Variants in OR2T2 observed in about 807,000 individuals in gnomAD.
The protein encoded by OR2T2 is olfactory receptor family 2 subfamily T member 2, also known as olfactory receptor 2T2.
For missense variants in OR2T2, 138 were observed against 409.1 expected, an observed-to-expected ratio of 0.34 and a Z score of 5.72; for synonymous variants, 50 against 162.7, an observed-to-expected ratio of 0.31 and a Z score of 5.27.
At chr1:248,446,242 T>TTC (rs1662645345) in intron 1 of OR2T2, among the ~76,000 whole-genome samples, 1 of 144,732 alleles carries the variant, frequency 6.9e-6, no homozygotes, top group South Asian at 2.1e-4. Context: ...GATCTTTTTT[T>TTC]TTAATAAAAC....
At chr1:248,450,258 G>A (rs569923076) in intron 2 of OR2T2, among the ~76,000 whole-genome samples, 185 of 145,430 alleles carry the variant, frequency 1.3e-3, no homozygotes, top group African/African-American at 4.8e-3. Context: ...ACTCACAGAT[G>A]CACACACCAC....
intron 2 of OR2T2, among the ~76,000 whole-genome samples, chr1:248,447,469 C>T (rs1179361416): frequency 1.4e-5 from 2 of 139,836 alleles, no homozygotes; most frequent in Non-Finnish European, 3.0e-5. Context: ...TTTCCAGCCG[C>T]ACTCCACCCC....
chr1:248,446,839 G>A (rs568809926), intron 2 of OR2T2, 28 bp downstream of exon 2: 5 of 148,630 alleles, frequency 3.4e-5, no homozygotes, highest in Non-Finnish European at 5.9e-5. Flanking sequence ...ATTAAAACCT[G>A]TATTCTTCAA....
chr1:248,453,648 C>T (rs760059711), exon 3 of OR2T2: 2 of 1,597,710 alleles, frequency 1.3e-6, no homozygotes, highest in Non-Finnish European at 1.7e-6. Context: ...ATCCTCACCC[C>T]CATGCTCAAC....
chr1:248,452,645 C>T, intron 2 of OR2T2, 131 bp from the exon 4 acceptor site: 7 of 817,240 alleles, frequency 8.6e-6, no homozygotes, highest in Non-Finnish European at 1.2e-5. Flanking sequence ...AATACTGAAA[C>T]CCAGGATTTC....
At chr1:248,446,190 TCCTC>T (rs1662642323) in intron 1 of OR2T2, among the ~76,000 whole-genome samples, 3 of 144,440 alleles carry the variant, frequency 2.1e-5, no homozygotes, top group Admixed American at 1.3e-4. Context: ...TTAACCTCCT[TCCTC>T]TTTTATTGAA....
intron 1 of OR2T2, among the ~76,000 whole-genome samples, chr1:248,446,075 T>G (rs1182133060): frequency 6.9e-6 from 1 of 145,698 alleles, no homozygotes; most frequent in Non-Finnish European, 1.5e-5. Context: ...TGTTAAAATT[T>G]TAATTTACAT....
At chr1:248,448,124 C>G (rs1374160819) in intron 2 of OR2T2, among the ~76,000 whole-genome samples, 1 of 151,818 alleles carries the variant, frequency 6.6e-6, no homozygotes. Flanking sequence ...GTTAGTGAAG[C>G]TGGCGATTTA....
chr1:248,453,116 A>G (rs1662847596), exon 3 of OR2T2: 1 of 1,613,148 alleles, frequency 6.2e-7, no homozygotes, highest in Non-Finnish European at 8.5e-7. Context: ...CCTCTACCTG[A>G]CCCTGATTGG....
At chr1:248,449,752 G>T (rs1662746650) in intron 2 of OR2T2, among the ~76,000 whole-genome samples, 1 of 123,072 alleles carries the variant, frequency 8.1e-6, no homozygotes, top group African/African-American at 4.2e-5. Flanking sequence ...GCACTGGGGA[G>T]AAATCATTCA....
chr1:248,448,296 G>GCC (rs568840294), intron 2 of OR2T2, among the ~76,000 whole-genome samples: 6,610 of 126,854 alleles, frequency 0.052, 8 homozygotes, highest in East Asian at 0.076. Context: ...AAGTTTTGCT[G>GCC]TCACATCAAA....
exon 3 of OR2T2, chr1:248,454,897 A>AGATAAATG (rs1662900649): frequency 1.0e-5 from 1 of 97,516 alleles, no homozygotes; most frequent in Admixed American, 1.2e-4. Flanking sequence ...AATTGTTAAT[A>AGATAAATG]GATAAATGTA....
intron 2 of OR2T2, among the ~76,000 whole-genome samples, chr1:248,450,381 A>G: frequency 7.0e-6 from 1 of 141,938 alleles, no homozygotes; most frequent in South Asian, 2.1e-4. Flanking sequence ...CGGTTGTATA[A>G]AAATGAGGTG....
At chr1:248,450,478 C>T (rs1410641895) in intron 2 of OR2T2, among the ~76,000 whole-genome samples, 1 of 147,940 alleles carries the variant, frequency 6.8e-6, no homozygotes, top group Admixed American at 6.6e-5. Flanking sequence ...GAGTTGAAAA[C>T]GTTCTTATCC....
At chr1:248,453,935 T>C in exon 3 of OR2T2, 1 of 801,228 alleles carries the variant, frequency 1.2e-6, no homozygotes, top group Admixed American at 2.6e-5. Context: ...AAATATGGTA[T>C]TGGTTCTGAA....
chr1:248,450,649 T>A (rs1370200013), intron 2 of OR2T2, among the ~76,000 whole-genome samples: 2 of 152,202 alleles, frequency 1.3e-5, no homozygotes. Context: ...TCTTGCCTAT[T>A]TCAGTTCCTC....
At chr1:248,446,659 C>T (rs1279621495) in exon 2 of OR2T2, 2 of 148,192 alleles carry the variant, frequency 1.3e-5, no homozygotes, top group Non-Finnish European at 2.9e-5. Context: ...CACGAACTGA[C>T]ACTGCTGCCC....
chr1:248,453,477 A>G, exon 3 of OR2T2: 1 of 1,589,026 alleles, frequency 6.3e-7, no homozygotes, highest in Non-Finnish European at 8.6e-7. Context: ...CTGACTGTCC[A>G]CAGGATGAAC....
In OR2T2 at chr1:248,453,006, T is replaced by TG. The variant is rs1277837788; in HGVS notation, c.211dup (p.Asp71GlyfsTer52). On this transcript the variant is annotated frameshift_variant, in exon 3 of 3. Coordinates refer to ENST00000642130, the Ensembl canonical transcript of OR2T2. LOFTEE classifies it low-confidence loss of function (END_TRUNC). ...TTCTTGCTCAGCCAGCTCTCCATCA[T>TG]GGATACCATCTACATCTGTATCACT... 6.2e-7 allele frequency: 1 copy of TG among 1,612,986 alleles called. No homozygotes were observed. The highest frequency in any genetic ancestry group is 1.3e-5 in the African/African-American group (1 of 74,594).
Sources: allele counts gnomAD v4.1 joint callset (sites outside exome capture counted in the v4.1 genomes callset), GRCh38; gene constraint gnomAD v4.1.1; transcripts MANE v1.5; gene names NCBI Gene and HGNC (gene_info 2026-07-23, HGNC 2026-07-21).